Variants in SEMA3A observed in about 807,000 individuals in gnomAD.
The protein encoded by SEMA3A is semaphorin 3A, also known as semaphorin-3A.
In SEMA3A, 29 loss-of-function variants were observed where a neutral mutation model predicts 97.9. The observed-to-expected ratio is 0.30, with a 90% CI of 0.22 to 0.40. The LOEUF (loss-of-function observed/expected upper bound fraction) is 0.40. Ranked by LOEUF, SEMA3A falls within the 10% of genes least tolerant of loss-of-function variation. The pLI is 1.00. For missense variants in SEMA3A, 763 were observed against 951.3 expected (o/e 0.80, Z 2.60); for synonymous variants, 321 against 323.7 (o/e 0.99, Z 0.09).
intron 3 of SEMA3A, among the ~76,000 whole-genome samples, chr7:84,117,927 T>C (rs1005008754): frequency 4.6e-5 from 7 of 152,236 alleles, no homozygotes; most frequent in Non-Finnish European, 7.3e-5. Context: ...CTAGCGCTTA[T>C]TAATTGATAG....
intron 3 of SEMA3A, among the ~76,000 whole-genome samples, chr7:84,295,536 G>A (rs1172184982): frequency 1.3e-5 from 2 of 151,998 alleles, no homozygotes; most frequent in Non-Finnish European, 2.9e-5. Flanking sequence ...TCTATTGACT[G>A]TGTGATTTGG....
chr7:84,353,282 T>C (rs1425638685), intron 2 of SEMA3A, among the ~76,000 whole-genome samples: 1 of 151,766 alleles, frequency 6.6e-6, no homozygotes, highest in Admixed American at 6.6e-5. Context: ...GCAGAACCCA[T>C]GGATATGGAG....
chr7:84,376,357 C>T (rs1803098734), intron 1 of SEMA3A, among the ~76,000 whole-genome samples: 1 of 115,436 alleles, frequency 8.7e-6, no homozygotes, highest in Admixed American at 9.4e-5. Context: ...AATCCCAGCA[C>T]TTTGGGAGGC....
At chr7:84,242,043 G>T (rs1799376108) in intron 3 of SEMA3A, among the ~76,000 whole-genome samples, 1 of 152,152 alleles carries the variant, frequency 6.6e-6, no homozygotes, top group Non-Finnish European at 1.5e-5. Context: ...TTGTAGTATA[G>T]TTTCAAGTCA....
At chr7:84,258,213 G>T (rs943525447) in intron 3 of SEMA3A, among the ~76,000 whole-genome samples, 1 of 152,114 alleles carries the variant, frequency 6.6e-6, no homozygotes. Flanking sequence ...GGGTCAACGG[G>T]TAGAGGAGAT....
chr7:83,995,172 G>A (rs1043387912), intron 12 of SEMA3A, among the ~76,000 whole-genome samples: 5 of 152,056 alleles, frequency 3.3e-5, no homozygotes, highest in Admixed American at 6.6e-5. Context: ...ACCCTGCTTC[G>A]GCTCGCGCAC....
chr7:84,229,132 G>A (rs555764448), intron 3 of SEMA3A, among the ~76,000 whole-genome samples: 19 of 151,574 alleles, frequency 1.3e-4, no homozygotes, highest in Non-Finnish European at 2.4e-4. Context: ...GTTTTACAAG[G>A]TTGCTTTAAA....
chr7:84,376,627 AAAAAAG>A (rs1803110289), intron 1 of SEMA3A, among the ~76,000 whole-genome samples: 1 of 113,456 alleles, frequency 8.8e-6, no homozygotes, highest in African/African-American at 3.2e-5. Flanking sequence ...AAAAAAAAAA[AAAAAAG>A]AAGTGTTCAC....
chr7:84,012,477 T>C (rs17158496), intron 7 of SEMA3A, among the ~76,000 whole-genome samples: 9,722 of 152,212 alleles, frequency 0.064, 443 homozygotes, highest in African/African-American at 0.13. Flanking sequence ...CTAACCTACA[T>C]AGGCTTGTTC....
intron 2 of SEMA3A, among the ~76,000 whole-genome samples, chr7:84,358,567 GCA>G (rs1802630701): frequency 6.6e-6 from 1 of 152,082 alleles, no homozygotes; most frequent in East Asian, 1.9e-4. Context: ...AAGTCAGGTA[GCA>G]TGATGCCTCC....
intron 3 of SEMA3A, among the ~76,000 whole-genome samples, chr7:84,280,498 T>C (rs1309456158): frequency 6.6e-6 from 1 of 152,120 alleles, no homozygotes; most frequent in Non-Finnish European, 1.5e-5. Flanking sequence ...AATGTCTGTA[T>C]AGTGGCCGGG....
chr7:84,224,784 C>T lies in SEMA3A; in HGVS notation c.-82-30116G>A, dbSNP rs75492349. Among the ~76,000 whole-genome samples, 1,091 of 152,100 alleles carry T rather than the reference C, an allele frequency of 7.2e-3. 12 individuals are homozygous for T. Among genetic ancestry groups the T allele is most frequent in the African/African-American group, 0.025 (1,048 of 41,502 alleles). On this transcript the variant is annotated intron_variant, in intron 3 of 3. Coordinates refer to the SEMA3A transcript ENST00000424555. The stretch of plus-strand genomic sequence containing the variant: ...CATTTGTCACTCTCCAGTTGAATAA[C>T]GGTTCTTTTATAGACAGACCTTTTT...
chr7:84,227,119 G>A (rs192641193), intron 3 of SEMA3A, among the ~76,000 whole-genome samples: 131 of 151,602 alleles, frequency 8.6e-4, no homozygotes, highest in Admixed American at 1.2e-3. Flanking sequence ...CTCTATTGGC[G>A]ATATCTATTT....
intron 3 of SEMA3A, among the ~76,000 whole-genome samples, chr7:84,281,913 CTGAGA>C (rs1800447926): frequency 6.6e-6 from 1 of 152,122 alleles, no homozygotes; most frequent in African/African-American, 2.4e-5. Flanking sequence ...TTTGATAGTG[CTGAGA>C]TGTTTTCTTT....
At chr7:84,111,702 G>C (rs116675873) in intron 3 of SEMA3A, among the ~76,000 whole-genome samples, 1 of 152,096 alleles carries the variant, frequency 6.6e-6, no homozygotes, top group East Asian at 1.9e-4. Flanking sequence ...CATATGCTGA[G>C]TACTTTGGGG....
intron 6 of SEMA3A, among the ~76,000 whole-genome samples, chr7:84,018,594 TAA>T (rs1265698441): frequency 6.6e-6 from 1 of 152,142 alleles, no homozygotes; most frequent in Non-Finnish European, 1.5e-5. Context: ...AGAATTTGCA[TAA>T]GTCTTAGTCA....
At chr7:84,492,433 G>T (rs1806757847) in intron 1 of SEMA3A, 1 of 152,082 alleles carries the variant, frequency 6.6e-6, no homozygotes, top group African/African-American at 2.4e-5. Context: ...CCAAGTAAAA[G>T]AAAGAAAGAA....
intron 2 of SEMA3A, among the ~76,000 whole-genome samples, chr7:84,313,378 A>G (rs866361498): frequency 0.038 from 3,130 of 81,376 alleles, 278 homozygotes; most frequent in African/African-American, 0.12. Context: ...ATATATATAT[A>G]TATATATATA....
rs961231822 is a variant in SEMA3A at position 84,129,021 on chromosome 7, C to G, written c.333+102G>C. 7 of 847,110 alleles carry G rather than the reference C, an allele frequency of 8.3e-6. No homozygotes were observed. In the African/African-American group the frequency reaches 1.2e-4, roughly 14 times the overall value. The allele number at this position is 847,110 out of a possible 1,614,324, so 52.5% of individuals were successfully genotyped here. A position where few individuals can be genotyped will look rare whatever the true frequency, so the allele number is the denominator to read the frequency against. On this transcript the variant is annotated intron_variant, in intron 3 of 16. Transcript: ENST00000265362. Reference sequence around the variant, plus strand: ...TATATGAAAAGATTCTAACCCCTTCCCCACACACACAAAAAAATCAGAAAT... The same window carrying G: ...TATATGAAAAGATTCTAACCCCTTCGCCACACACACAAAAAAATCAGAAAT...
Sources: allele counts gnomAD v4.1 joint callset (sites outside exome capture counted in the v4.1 genomes callset), GRCh38; gene constraint gnomAD v4.1.1; transcripts MANE v1.5; gene names NCBI Gene and HGNC (gene_info 2026-07-23, HGNC 2026-07-21).